The following PDE4B variants were observed in gnomAD, a reference collection of about 807,000 sequenced individuals.
The protein encoded by PDE4B is phosphodiesterase 4B.
Under a neutral mutation model 82.2 loss-of-function variants are expected in PDE4B, and 20 were observed. That is an observed-to-expected ratio of 0.24 (90% confidence interval 0.17 to 0.35). The LOEUF is 0.35. PDE4B is among the 10% of genes least tolerant of loss of function. The pLI is 1.00. For missense variants in PDE4B, 655 were observed against 907.2 expected, an observed-to-expected ratio of 0.72 and a Z score of 3.57; for synonymous variants, 320 against 318.9, an observed-to-expected ratio of 1.00 and a Z score of -0.04.
chr1:66,348,427 C>T (rs1364843279), intron 8 of PDE4B, among the ~76,000 whole-genome samples: 1 of 151,890 alleles, frequency 6.6e-6, no homozygotes, highest in Non-Finnish European at 1.5e-5. Flanking sequence ...TATTAACAGA[C>T]AAATTAAAAG....
chr1:66,223,860 A>T (rs985528311), intron 3 of PDE4B, among the ~76,000 whole-genome samples: 23 of 152,120 alleles, frequency 1.5e-4, no homozygotes, highest in Admixed American at 2.6e-4. Flanking sequence ...TCTGGATCAC[A>T]CCCTCGAATT....
intron 8 of PDE4B, among the ~76,000 whole-genome samples, chr1:66,341,830 C>G (rs919912793): frequency 1.3e-5 from 2 of 152,186 alleles, no homozygotes; most frequent in Non-Finnish European, 2.9e-5. Flanking sequence ...TTGACCCTCT[C>G]CCTACACCCT....
chr1:66,092,186 C>A (rs1295064838), intron 3 of PDE4B, among the ~76,000 whole-genome samples: 1 of 151,914 alleles, frequency 6.6e-6, no homozygotes, highest in Non-Finnish European at 1.5e-5. Context: ...ATAATTAATA[C>A]ATCAGAAATT....
intron 8 of PDE4B, among the ~76,000 whole-genome samples, chr1:66,350,896 T>C (rs1015365559): frequency 3.3e-5 from 5 of 152,222 alleles, no homozygotes; most frequent in East Asian, 1.9e-4. Flanking sequence ...AAAATGTTCC[T>C]ATCAAGTGTA....
chr1:66,306,348 A>G (rs1410991426), intron 7 of PDE4B, among the ~76,000 whole-genome samples: 1 of 152,184 alleles, frequency 6.6e-6, no homozygotes, highest in Non-Finnish European at 1.5e-5. Flanking sequence ...GATGCGGTGT[A>G]AAAACATGGA....
intron 3 of PDE4B, chr1:65,992,899 T>C (rs1651322189): frequency 6.2e-7 from 1 of 1,612,946 alleles, no homozygotes; most frequent in African/African-American, 1.3e-5. Flanking sequence ...TAGCACTCCT[T>C]ACAAGACATG....
chr1:66,317,973 A>T (rs568479453), intron 7 of PDE4B, among the ~76,000 whole-genome samples: 1 of 152,214 alleles, frequency 6.6e-6, no homozygotes, highest in East Asian at 1.9e-4. Context: ...AGGAAAAAAA[A>T]TGTTGAAGGA....
At chr1:66,096,167 C>A (rs188437511) in intron 3 of PDE4B, among the ~76,000 whole-genome samples, 57 of 151,736 alleles carry the variant, frequency 3.8e-4, no homozygotes, top group African/African-American at 1.3e-3. Context: ...GTGCATATAC[C>A]CTTTTCCTTA....
intron 3 of PDE4B, among the ~76,000 whole-genome samples, chr1:65,974,540 G>T (rs1650309376): frequency 6.6e-6 from 1 of 152,086 alleles, no homozygotes; most frequent in South Asian, 2.1e-4. Flanking sequence ...TCTATTCATT[G>T]CAGTCTCACA....
At chr1:66,139,759 A>G (rs1048421238) in intron 3 of PDE4B, among the ~76,000 whole-genome samples, 1 of 151,204 alleles carries the variant, frequency 6.6e-6, no homozygotes, top group African/African-American at 2.4e-5. Flanking sequence ...AAAACAAAAA[A>G]CAACAACCAA....
chr1:66,271,702 ATGT>A (rs1655492037), intron 7 of PDE4B, among the ~76,000 whole-genome samples: 3 of 152,186 alleles, frequency 2.0e-5, no homozygotes, highest in Non-Finnish European at 4.4e-5. Flanking sequence ...TGTTGCCTGA[ATGT>A]TTTGTGTGCA....
chr1:65,943,250 A>G (rs538820802), intron 3 of PDE4B, among the ~76,000 whole-genome samples: 167 of 152,030 alleles, frequency 1.1e-3, no homozygotes, highest in African/African-American at 3.9e-3. Flanking sequence ...TTTTGCCAAC[A>G]TCGTTTATTA....
At chr1:65,840,797 T>C (rs1646198327) in intron 1 of PDE4B, among the ~76,000 whole-genome samples, 1 of 152,234 alleles carries the variant, frequency 6.6e-6, no homozygotes, top group Admixed American at 6.5e-5. Flanking sequence ...GTACCTAGCA[T>C]AGAGCTGAAC....
At chr1:65,892,685 C>T (rs996763555) in intron 1 of PDE4B, among the ~76,000 whole-genome samples, 8 of 152,000 alleles carry the variant, frequency 5.3e-5, no homozygotes, top group African/African-American at 1.9e-4. Flanking sequence ...CTTTTACCAT[C>T]AACCACTCCC....
chr1:65,793,936 C>G (rs1645602986), intron 1 of PDE4B, among the ~76,000 whole-genome samples: 2 of 152,218 alleles, frequency 1.3e-5, no homozygotes, highest in African/African-American at 4.8e-5. Flanking sequence ...AGGCCACCTT[C>G]CTTGTGCGGT....
intron 1 of PDE4B, among the ~76,000 whole-genome samples, chr1:65,817,518 T>A (rs1645900640): frequency 6.6e-6 from 1 of 152,224 alleles, no homozygotes; most frequent in Admixed American, 6.5e-5. Flanking sequence ...TTTATTTATT[T>A]ATTTTTACTG....
intron 3 of PDE4B, among the ~76,000 whole-genome samples, chr1:66,073,017 T>C (rs1656235385): frequency 5.6e-5 from 2 of 35,938 alleles, no homozygotes; most frequent in Admixed American, 2.8e-4. Flanking sequence ...CTTTAGCCCT[T>C]TTTTTTTTTT....
intron 8 of PDE4B, among the ~76,000 whole-genome samples, chr1:66,340,044 G>A (rs1183684473): frequency 1.3e-5 from 2 of 152,168 alleles, no homozygotes; most frequent in East Asian, 3.8e-4. Flanking sequence ...TACTAAACAA[G>A]AAGATGCCAG....
chr1:66,327,413 G>A (rs774600478), intron 7 of PDE4B, among the ~76,000 whole-genome samples: 4 of 152,164 alleles, frequency 2.6e-5, no homozygotes, highest in African/African-American at 7.2e-5. Flanking sequence ...AGTCAACAAT[G>A]GTGATCTCTG....
Sources: allele counts gnomAD v4.1 joint callset (sites outside exome capture counted in the v4.1 genomes callset), GRCh38; gene constraint gnomAD v4.1.1; transcripts MANE v1.5; gene names NCBI Gene and HGNC (gene_info 2026-07-23, HGNC 2026-07-21).